Variants in ZGRF1 observed in about 807,000 individuals in gnomAD.
The protein encoded by ZGRF1 is zinc finger GRF-type containing 1.
Under a neutral mutation model 203.5 loss-of-function variants are expected in ZGRF1, and 196 were observed. That is an observed-to-expected ratio of 0.96 (90% CI 0.86 to 1.08). The LOEUF (loss-of-function observed/expected upper bound fraction) is 1.08, where lower values mean the gene tolerates loss of function less well. Ranked by LOEUF, ZGRF1 falls within the 50% of genes least tolerant of loss-of-function variation. The pLI, the probability that ZGRF1 is intolerant of heterozygous loss-of-function variation, is 0.00. For missense variants in ZGRF1, 2,326 were observed against 2,416.3 expected, an observed-to-expected ratio of 0.96 and a Z score of 0.78; for synonymous variants, 809 against 841.3, an observed-to-expected ratio of 0.96 and a Z score of 0.66.
chr4:112,586,217 G>A (rs1747153727), intron 13 of ZGRF1, among the ~76,000 whole-genome samples: 1 of 149,850 alleles, frequency 6.7e-6, no homozygotes, highest in Admixed American at 6.7e-5. Context: ...TCCAGCCTGG[G>A]CAACATAGTG....
At chr4:112,611,555 T>C (rs969896261) in intron 7 of ZGRF1, among the ~76,000 whole-genome samples, 1 of 152,250 alleles carries the variant, frequency 6.6e-6, no homozygotes, top group African/African-American at 2.4e-5. Flanking sequence ...GAAACACTCA[T>C]CTAGATGATT....
At chr4:112,541,307 T>G in intron 24 of ZGRF1, 39 bp from the exon 25 acceptor site, 1 of 1,261,078 alleles carries the variant, frequency 7.9e-7, no homozygotes, top group Non-Finnish European at 1.1e-6. Context: ...ACATAATTTT[T>G]TTGTTCTTCT....
intron 4 of ZGRF1, among the ~76,000 whole-genome samples, chr4:112,621,766 T>C (rs1312956126): frequency 6.6e-6 from 1 of 151,732 alleles, no homozygotes; most frequent in Non-Finnish European, 1.5e-5. Context: ...TCGCTCTTGT[T>C]GCCCAGTCTG....
chr4:112,564,069 CA>C (rs998893766), intron 16 of ZGRF1, among the ~76,000 whole-genome samples: 2 of 151,668 alleles, frequency 1.3e-5, no homozygotes, highest in Non-Finnish European at 2.9e-5. Context: ...TAACAAGCTA[CA>C]AAAAAAAGTA....
intron 6 of ZGRF1, among the ~76,000 whole-genome samples, chr4:112,614,700 G>A (rs192938803): frequency 4.6e-5 from 7 of 152,250 alleles, no homozygotes; most frequent in South Asian, 2.1e-4. Flanking sequence ...GGTGGCACAC[G>A]CCTGTAGTCC....
chr4:112,623,817 C>T lies in ZGRF1; in HGVS notation c.162G>A (p.Glu54=), dbSNP rs760602203. The change falls in exon 4 of 28, where the codon GAG becomes GAA. Residue 54 remains glutamate (E), a splice_region_variant and synonymous_variant. Coordinates refer to ENST00000505019, the MANE Select transcript of ZGRF1 (RefSeq NM_018392.5). ...AAATAAGATAAACACACTAAAATAC[C>T]TCAAGGCATTTAAGAAACAGACTCT... ...CLESLFLKCL[E]VKPGDDLESD... is the part of the protein sequence containing the mutation. 7.8e-6 allele frequency: 12 copies of T among 1,537,068 alleles called. No homozygotes were observed. Among genetic ancestry groups the T allele is most frequent in the Non-Finnish European group, 8.0e-6 (9 of 1,119,154 alleles).
In ZGRF1 at chr4:112,585,671, G is replaced by C; in HGVS notation, c.3971C>G (p.Ser1324Ter). ...TGTATAAAATGATATGTCAACTTTTGAAAGAGCTTTCTGCAGGTTTTGTGC... is the reference window on the plus strand; with the variant it reads ...TGTATAAAATGATATGTCAACTTTTCAAAGAGCTTTCTGCAGGTTTTGTGC... ...GLAQNLQKAL[S>*]KVDISFYTSL... Residue 1324 changes from serine (S) to a stop codon, truncating the protein, a stop_gained, in exon 14 of 28, where the codon TCA (serine) becomes TGA (stop). Coordinates refer to ENST00000505019, the MANE Select transcript of ZGRF1 (RefSeq NM_018392.5). LOFTEE classifies it high-confidence loss of function. 3.1e-6 allele frequency: 5 copies of C among 1,594,112 alleles called. No homozygotes were observed. Among genetic ancestry groups the C allele is most frequent in the Non-Finnish European group, 4.3e-6 (5 of 1,170,858 alleles).
intron 16 of ZGRF1, among the ~76,000 whole-genome samples, chr4:112,571,993 C>T (rs1744298898): frequency 1.3e-5 from 2 of 152,018 alleles, no homozygotes; most frequent in Admixed American, 1.3e-4. Flanking sequence ...GATTATATGA[C>T]AGAGGTAGCA....
rs74823395 is a variant in ZGRF1 at position 112,630,153 on chromosome 4, G to A, written c.102+1777C>T. ...TAGGATTACATAAATTGAACTTGAA[G>A]GCTTAAGGCAAAATTAGTTTTTTAA... On this transcript the variant is annotated intron_variant, in intron 3 of 27. Coordinates refer to ENST00000505019, the MANE Select transcript of ZGRF1 (RefSeq NM_018392.5). 1,094 of 155,510 alleles carry A rather than the reference G, an allele frequency of 7.0e-3. 33 individuals are homozygous for A. In the East Asian group the frequency reaches 0.094, roughly 13 times the overall value. 9.6% of individuals were successfully genotyped at this position (155,510 alleles called of 1,614,324 possible).
chr4:112,551,162 C>A (rs1739880509), intron 22 of ZGRF1, among the ~76,000 whole-genome samples: 1 of 152,138 alleles, frequency 6.6e-6, no homozygotes, highest in Non-Finnish European at 1.5e-5. Flanking sequence ...TACAGAAATA[C>A]CACCATGTTA....
At chr4:112,593,193 A>C (rs1369676845) in intron 10 of ZGRF1, among the ~76,000 whole-genome samples, 1 of 152,198 alleles carries the variant, frequency 6.6e-6, no homozygotes, top group Non-Finnish European at 1.5e-5. Context: ...TTACTCAATG[A>C]AAATTGCCTC....
intron 16 of ZGRF1, among the ~76,000 whole-genome samples, chr4:112,580,620 T>C (rs1007388062): frequency 6.6e-6 from 1 of 152,056 alleles, no homozygotes; most frequent in African/African-American, 2.4e-5. Context: ...GGGCAAAGGA[T>C]ATGAAAAGAC....
At chr4:112,593,134 T>A (rs1274775221) in intron 10 of ZGRF1, among the ~76,000 whole-genome samples, 1 of 152,192 alleles carries the variant, frequency 6.6e-6, no homozygotes, top group East Asian at 1.9e-4. Flanking sequence ...TAGCCTGTGG[T>A]ATTTTGTTAT....
chr4:112,548,473 G>T, intron 22 of ZGRF1, 93 bp from the exon 23 acceptor site: 1 of 958,430 alleles, frequency 1.0e-6, no homozygotes, highest in Non-Finnish European at 1.5e-6. Context: ...AAATTAGAGA[G>T]TGAGCTAGTC....
At chr4:112,625,805 G>T (rs890031497) in intron 3 of ZGRF1, among the ~76,000 whole-genome samples, 1 of 150,400 alleles carries the variant, frequency 6.6e-6, no homozygotes, top group African/African-American at 2.5e-5. Flanking sequence ...TGAGGCAGGA[G>T]AATCGCTTGA....
At position 112,617,668 on chromosome 4, in the gene ZGRF1, T is replaced by C; in HGVS notation, c.2374A>G (p.Arg792Gly). The C allele has an allele frequency of 6.2e-7, 1 of 1,613,988 alleles. No individual in the cohort carries two copies. ...TCAACATGGTCAGGGGGTGGACTTC[T>C]AATCTTTCCCAAATCTTCAGGTTCA... Reference protein sequence around the residue: ...ISEPEDLGKIRSPPPDHVEVE... With the variant: ...ISEPEDLGKIGSPPPDHVEVE... Residue 792 changes from arginine (R) to glycine (G), a missense_variant, in exon 6 of 28, where the codon AGA (arginine) becomes GGA (glycine). Physicochemically the swap from Arg to Gly is moderately radical, Grantham distance 125. Coordinates refer to ENST00000505019, the MANE Select transcript of ZGRF1 (RefSeq NM_018392.5).
intron 9 of ZGRF1, chr4:112,605,594 T>C (rs141772456): frequency 2.8e-4 from 44 of 158,638 alleles, no homozygotes; most frequent in Non-Finnish European, 4.8e-4. Flanking sequence ...TGATATAGAA[T>C]AGGTAGCACT....
chr4:112,563,353 CAT>C, intron 16 of ZGRF1, 79 bp from the exon 17 acceptor site: 1 of 1,064,192 alleles, frequency 9.4e-7, no homozygotes, highest in Non-Finnish European at 1.3e-6. Context: ...TATATATTTG[CAT>C]ATGTGTGTAC....
chr4:112,634,296 G>C (rs980700024), intron 1 of ZGRF1, among the ~76,000 whole-genome samples: 1 of 152,106 alleles, frequency 6.6e-6, no homozygotes, highest in African/African-American at 2.4e-5. Context: ...ATCAAACAAG[G>C]CTTCTTCAAG....
Sources: gnomAD v4.1 joint callset for allele counts (sites outside exome capture counted in the v4.1 genomes callset) on GRCh38, gnomAD v4.1.1 for gene constraint, MANE v1.5 for transcripts, NCBI Gene and HGNC (gene_info 2026-07-23, HGNC 2026-07-21) for gene names.